The following PCDHA6 variants were observed in gnomAD, a reference collection of about 807,000 sequenced individuals.
PCDHA6 encodes protocadherin alpha-6.
Under a neutral mutation model 60.3 loss-of-function variants are expected in PCDHA6, and 55 were observed. The ratio of observed to expected loss-of-function variants is 0.91; its 90% CI spans 0.73 to 1.14. The LOEUF (loss-of-function observed/expected upper bound fraction) is 1.14. PCDHA6 is among the 50% of genes most tolerant of loss of function. The probability of loss-of-function intolerance (pLI) is 0.00; values close to 1 mark genes in which losing one functional copy is unlikely to be tolerated. For missense variants in PCDHA6, 1,327 were observed against 1,256.5 expected, an observed-to-expected ratio of 1.06 and a Z score of -0.85; for synonymous variants, 652 against 557.9, an observed-to-expected ratio of 1.17 and a Z score of -2.38.
chr5:140,988,675 A>C (rs574653772), intron 3 of PCDHA6, among the ~76,000 whole-genome samples: 1 of 152,228 alleles, frequency 6.6e-6, no homozygotes, highest in East Asian at 1.9e-4. Context: ...ACTCTAAGAT[A>C]ATTCTTTCCC....
At chr5:140,882,677 A>C (rs782476966) in intron 1 of PCDHA6, 1 of 1,614,214 alleles carries the variant, frequency 6.2e-7, no homozygotes. Context: ...CCCTGAAAGC[A>C]AGAAACGAAT....
At chr5:140,854,140 T>A (rs251357) in intron 1 of PCDHA6, 2 of 418,878 alleles carry the variant, frequency 4.8e-6, no homozygotes, top group Non-Finnish European at 3.0e-6. Flanking sequence ...TCAGCCCGGG[T>A]GACAGCAAGA....
chr5:140,980,749 G>A (rs1388943582), intron 2 of PCDHA6, among the ~76,000 whole-genome samples: 1 of 151,942 alleles, frequency 6.6e-6, no homozygotes, highest in Non-Finnish European at 1.5e-5. Flanking sequence ...TTTGAGTAGG[G>A]TAAGAAATAA....
At chr5:140,923,306 C>A (rs572766829) in intron 1 of PCDHA6, among the ~76,000 whole-genome samples, 1 of 152,216 alleles carries the variant, frequency 6.6e-6, no homozygotes, top group South Asian at 2.1e-4. Context: ...GGCGTGGGGG[C>A]GCTTGGCCTA....
At chr5:140,845,678 G>T (rs1374984475) in intron 1 of PCDHA6, among the ~76,000 whole-genome samples, 3 of 149,382 alleles carry the variant, frequency 2.0e-5, no homozygotes, top group Non-Finnish European at 4.5e-5. Flanking sequence ...CATTGGTAAA[G>T]GATTTGTTAT....
intron 1 of PCDHA6, chr5:140,869,000 C>A: frequency 2.0e-6 from 3 of 1,518,418 alleles, no homozygotes; most frequent in Non-Finnish European, 2.6e-6. Flanking sequence ...GTTTAAGGAT[C>A]CTTTGAAACT....
At chr5:140,853,209 A>G (rs1399552448) in intron 1 of PCDHA6, 10 of 983,300 alleles carry the variant, frequency 1.0e-5, no homozygotes, top group Non-Finnish European at 1.1e-5. Context: ...TGACGGCTGT[A>G]TTGATGGGAT....
chr5:141,005,701 CAAAAAAAAAAA>C (rs59860837), intron 3 of PCDHA6, among the ~76,000 whole-genome samples: 24 of 7,788 alleles, frequency 3.1e-3, no homozygotes, highest in African/African-American at 7.5e-3. Flanking sequence ...AACTCCGTCT[CAAAAAAAAAAA>C]AAAAAAAAAA....
Position 140,862,133 on chromosome 5 carries a change from T to C in PCDHA6, c.2394+31648T>C, listed in dbSNP as rs188346525. ...GTGGATAAATAAATGTAAAGATAGGTTTTGAGGAAACTAAATAATGAAAGA... is the reference window on the plus strand; with the variant it reads ...GTGGATAAATAAATGTAAAGATAGGCTTTGAGGAAACTAAATAATGAAAGA... On this transcript the variant is annotated intron_variant, in intron 1 of 3. Transcript: ENST00000529310. The C allele has an allele frequency of 2.2e-3, 352 of 163,204 alleles. 2 individuals carry two copies. Among genetic ancestry groups the C allele is most frequent in the South Asian group, 2.0e-3 (12 of 5,916 alleles). The allele number at this position is 163,204 out of a possible 1,614,324, so 10.1% of individuals were successfully genotyped here.
intron 1 of PCDHA6, among the ~76,000 whole-genome samples, chr5:140,854,986 T>C (rs1266471979): frequency 2.0e-5 from 3 of 149,894 alleles, no homozygotes; most frequent in African/African-American, 7.3e-5. Context: ...TTAAGATTCT[T>C]TTTGCCCGTG....
intron 1 of PCDHA6, chr5:140,928,983 G>T: frequency 6.2e-7 from 1 of 1,613,838 alleles, no homozygotes; most frequent in Non-Finnish European, 8.5e-7. Flanking sequence ...TATTTCTGGG[G>T]TGCTTACTTT....
chr5:140,874,093 TG>T, intron 1 of PCDHA6, among the ~76,000 whole-genome samples: 2 of 152,364 alleles, frequency 1.3e-5, no homozygotes, highest in Middle Eastern at 6.8e-3. Context: ...AATTCAAATA[TG>T]TTTTTAATTA....
chr5:140,838,115 TG>T (rs1554136890), intron 1 of PCDHA6, among the ~76,000 whole-genome samples: 5 of 149,894 alleles, frequency 3.3e-5, no homozygotes, highest in Non-Finnish European at 7.4e-5. Context: ...TGTGTGTGTG[TG>T]TGTGTGTGTG....
At chr5:140,986,511 C>T (rs181646630) in intron 3 of PCDHA6, among the ~76,000 whole-genome samples, 76 of 152,288 alleles carry the variant, frequency 5.0e-4, no homozygotes, top group African/African-American at 1.8e-3. Context: ...AAGGACTGCC[C>T]CTGCCTGTGA....
At chr5:140,967,976 C>G in intron 1 of PCDHA6, 14 of 1,614,222 alleles carry the variant, frequency 8.7e-6, no homozygotes, top group Non-Finnish European at 1.2e-5. Context: ...GAGCCTGGGT[C>G]TGGAGGCCAC....
rs1554131925 is a variant in PCDHA6 at position 140,829,395 on chromosome 5, T to C, written c.1304T>C (p.Leu435Pro). ...GCGCGGGACGGGGGCTCGCCTTCGC[T>C]GTGGGCCACCGCCAGCTTGTCTGTG... ...VTARDGGSPS[L>P]WATASLSVEV... The change falls in exon 1 of 4, where the codon CTG becomes CCG. Residue 435 changes from leucine (L) to proline (P), a missense_variant. Transcript: ENST00000529310. 6 of 1,614,052 alleles carry C rather than the reference T, an allele frequency of 3.7e-6. No individual in the cohort carries two copies. Among genetic ancestry groups the C allele is most frequent in the Non-Finnish European group, 5.1e-6 (6 of 1,180,050 alleles).
chr5:140,851,458 A>G lies in PCDHA6; in HGVS notation c.2394+20973A>G, dbSNP rs543530634. 8 of 902,168 alleles carry G rather than the reference A, an allele frequency of 8.9e-6. 1 individual carries two copies. The African/African-American group carries it at 1.4e-4, about 16-fold the overall frequency. 55.9% of individuals were successfully genotyped at this position (902,168 alleles called of 1,614,324 possible). ...ACAGTTGCTCCACTTTAGGAATCAA[A>G]TTATGTCAATAAATGTTATAAACAC... On this transcript the variant is annotated intron_variant, in intron 1 of 3. Coordinates refer to ENST00000529310, the MANE Select transcript of PCDHA6 (RefSeq NM_018909.4).
intron 1 of PCDHA6, among the ~76,000 whole-genome samples, chr5:140,912,613 T>A (rs183484256): frequency 5.3e-4 from 80 of 152,290 alleles, no homozygotes; most frequent in African/African-American, 1.5e-3. Flanking sequence ...TCTTGTCTGA[T>A]TACTCTGGAT....
At chr5:140,869,526 G>C (rs1363521095) in intron 1 of PCDHA6, 1 of 1,614,194 alleles carries the variant, frequency 6.2e-7, no homozygotes, top group Non-Finnish European at 8.5e-7. Context: ...AAAAGCTGCT[G>C]ATTGCGGAAT....
Sources: allele counts gnomAD v4.1 joint callset (sites outside exome capture counted in the v4.1 genomes callset), GRCh38; gene constraint gnomAD v4.1.1; transcripts MANE v1.5; gene names NCBI Gene and HGNC (gene_info 2026-07-23, HGNC 2026-07-21).